The following NLRP3 variants were observed in gnomAD, a reference collection of about 807,000 sequenced individuals.
NLRP3 encodes the protein NLR family pyrin domain containing 3, also known as NACHT, LRR and PYD domains-containing protein 3.
In NLRP3, 48 loss-of-function variants were observed where a neutral mutation model predicts 91.3. That is an observed-to-expected ratio of 0.53 (90% CI 0.42 to 0.67). The LOEUF (loss-of-function observed/expected upper bound fraction) is 0.67, where lower values mean the gene tolerates loss of function less well. NLRP3 is among the 30% of genes least tolerant of loss of function. The probability of loss-of-function intolerance (pLI) is 0.00; values close to 1 mark genes in which losing one functional copy is unlikely to be tolerated. For synonymous variants in NLRP3, 561 were observed against 507.9 expected (o/e 1.10, Z -1.41); for missense variants, 982 against 1,276.9 (o/e 0.77, Z 3.52).
rs761426691 is a variant in NLRP3, at chr1:247,419,054, CA to C, written c.259del (p.Arg87GlufsTer18). 2 of 1,611,348 alleles carry C rather than the reference CA, an allele frequency of 1.2e-6. No individual in the cohort carries two copies. Among genetic ancestry groups the C allele is most frequent in the Non-Finnish European group, 1.7e-6 (2 of 1,179,824 alleles). ...AINRRDLYEK[A>X]KRDEPKWGSD... ...AACAGGAGAGACCTTTATGAGAAAG[CA>C]AAAAGAGATGAGCCGAAGTGGGGTG... On this transcript the variant is annotated frameshift_variant, in exon 2 of 10. Coordinates refer to ENST00000336119, the MANE Select transcript of NLRP3 (RefSeq NM_001243133.2). LOFTEE classifies it high-confidence loss of function.
At position 247,429,780 on chromosome 1, in the gene NLRP3, T is replaced by G. The variant is rs376635168; in HGVS notation, c.2321+25T>G. 137 of 1,612,462 alleles carry G rather than the reference T, an allele frequency of 8.5e-5. No homozygotes were observed. In the African/African-American group the frequency reaches 1.3e-3, roughly 16 times the overall value. On this transcript the variant is annotated intron_variant, in intron 5 of 9. Coordinates refer to ENST00000336119, the MANE Select transcript of NLRP3 (RefSeq NM_001243133.2). The stretch of plus-strand genomic sequence containing the variant: ...GGTGAGTCCCCGTGCATGTGATCTG[T>G]GTGAGTGCAAGTTCATATGAGAGAG...
At chr1:247,446,857 A>C (rs897476025) in intron 9 of NLRP3, among the ~76,000 whole-genome samples, 1 of 152,234 alleles carries the variant, frequency 6.6e-6, no homozygotes, top group Non-Finnish European at 1.5e-5. Flanking sequence ...GGTTTGAATA[A>C]ATACAAGTTT....
intron 8 of NLRP3, 86 bp downstream of exon 8, chr1:247,444,228 C>T (rs975767084): frequency 7.4e-7 from 1 of 1,354,728 alleles, no homozygotes; most frequent in Admixed American, 1.7e-5. Context: ...ACAAGATAAT[C>T]TGTATCTTAG....
intron 8 of NLRP3, 62 bp from the exon 9 acceptor site, chr1:247,444,589 A>G: frequency 6.3e-7 from 1 of 1,584,170 alleles, no homozygotes; most frequent in African/African-American, 1.3e-5. Flanking sequence ...AGATGCTAAA[A>G]TCTTGGGGAG....
At chr1:247,435,864 T>C in intron 6 of NLRP3, 106 bp from the exon 7 acceptor site, 1 of 1,045,574 alleles carries the variant, frequency 9.6e-7, no homozygotes, top group Non-Finnish European at 1.5e-6. Context: ...CCACTCCCTT[T>C]CCATGTGTAA....
At chr1:247,417,990 AAGAGCC>A (rs1310128109) in intron 1 of NLRP3, 57 bp from the exon 2 acceptor site, 1 of 152,234 alleles carries the variant, frequency 6.6e-6, no homozygotes, top group Non-Finnish European at 1.5e-5. Context: ...AACAGAAGCA[AAGAGCC>A]AGAGCCTTCA....
intron 3 of NLRP3, 140 bp downstream of exon 3, chr1:247,423,489 T>C: frequency 1.9e-6 from 2 of 1,063,732 alleles, no homozygotes; most frequent in Non-Finnish European, 2.9e-6. Context: ...GGAAATCCAT[T>C]GTCAGTTGAA....
At chr1:247,445,541 T>C (rs968309862) in intron 9 of NLRP3, among the ~76,000 whole-genome samples, 1 of 152,112 alleles carries the variant, frequency 6.6e-6, no homozygotes, top group African/African-American at 2.4e-5. Flanking sequence ...GCTCCAGGAA[T>C]AGCAAGATGG....
chr1:247,426,915 G>A (rs959610259), intron 4 of NLRP3, among the ~76,000 whole-genome samples: 3 of 152,200 alleles, frequency 2.0e-5, no homozygotes, highest in Non-Finnish European at 4.4e-5. Context: ...AGAGAGGGCA[G>A]GTGTGGGAAA....
intron 2 of NLRP3, among the ~76,000 whole-genome samples, chr1:247,422,364 G>T (rs1332930232): frequency 6.9e-5 from 9 of 130,698 alleles, no homozygotes; most frequent in Non-Finnish European, 1.4e-4. Context: ...GGGCAATAGA[G>T]TGAGGCCCTG....
rs747043119 is a variant in NLRP3, at chr1:247,429,767, T to G, written c.2321+12T>G. ...ATTCGGAGATTGTGGTGAGTCCCCG[T>G]GCATGTGATCTGTGTGAGTGCAAGT... On this transcript the variant is annotated intron_variant, in intron 5 of 9. Coordinates refer to ENST00000336119, the MANE Select transcript of NLRP3 (RefSeq NM_001243133.2). The G allele has an allele frequency of 2.5e-6, 4 of 1,613,158 alleles. No individual in the cohort carries two copies. The highest frequency in any genetic ancestry group is 3.4e-6 in the Non-Finnish European group (4 of 1,179,932).
At position 247,448,573 on chromosome 1, in the gene NLRP3, G is replaced by A. The variant is rs1359908768; in HGVS notation, c.*69G>A. ...CCAGCTGGGGGCCCTCAGGTGGAGA[G>A]AGCTGCGATCCATCCAGGCCAAGAC... On this transcript the variant is annotated 3_prime_UTR_variant, in exon 10 of 10. Transcript: ENST00000336119. 2.2e-6 allele frequency: 2 copies of A among 923,654 alleles called. No individual in the cohort carries two copies. The highest frequency in any genetic ancestry group is 4.8e-5 in the East Asian group (2 of 41,574). 57.2% of individuals were successfully genotyped at this position (923,654 alleles called of 1,614,324 possible). A position where few individuals can be genotyped will look rare whatever the true frequency, so the allele number is the denominator to read the frequency against.
intron 7 of NLRP3, among the ~76,000 whole-genome samples, chr1:247,441,198 C>A (rs57603567): frequency 9.7e-6 from 1 of 103,124 alleles, no homozygotes. Flanking sequence ...TCCCCTCCCC[C>A]CCCCCTTTCC....
rs1305478990 is a variant in NLRP3 at position 247,423,863 on chromosome 1, C to T, written c.414C>T (p.Tyr138=). The T allele has an allele frequency of 1.9e-6, 3 of 1,613,934 alleles. No homozygotes were observed. Among genetic ancestry groups the T allele is most frequent in the Non-Finnish European group, 2.5e-6 (3 of 1,179,986 alleles). Residue 138 remains tyrosine, a synonymous_variant, in exon 4 of 10, where the codon TAC becomes TAT. Transcript: ENST00000336119. ...TTGCCGTAGATTACCGTAAGAAGTA[C>T]AGAAAGTACGTGAGAAGCAGATTCC... ...CKMKKDYRKK[Y]RKYVRSRFQC...
Position 247,444,077 on chromosome 1 carries a change from A to T in NLRP3, c.2769A>T (p.Gly923=), listed in dbSNP as rs1490594037. ...THLYLRGNTL[G]DKGIKLLCEG... ...TTTACCTGCGAGGCAACACTCTCGGAGACAAGGGGATCAAACTACTCTGTG... is the reference window on the plus strand; with the variant it reads ...TTTACCTGCGAGGCAACACTCTCGGTGACAAGGGGATCAAACTACTCTGTG... Residue 923 remains glycine, a synonymous_variant, in exon 8 of 10, where the codon GGA becomes GGT. Coordinates refer to ENST00000336119, the MANE Select transcript of NLRP3 (RefSeq NM_001243133.2). The T allele has an allele frequency of 3.7e-6, 6 of 1,614,050 alleles. No homozygotes were observed. Among genetic ancestry groups the T allele is most frequent in the Non-Finnish European group, 5.1e-6 (6 of 1,180,046 alleles).
intron 7 of NLRP3, among the ~76,000 whole-genome samples, chr1:247,438,147 A>G (rs1350081240): frequency 6.6e-6 from 1 of 152,206 alleles, no homozygotes; most frequent in Non-Finnish European, 1.5e-5. Context: ...TCTGAGACTG[A>G]GGCATCAGCA....
At chr1:247,442,009 C>T (rs1664273638) in intron 7 of NLRP3, among the ~76,000 whole-genome samples, 1 of 152,220 alleles carries the variant, frequency 6.6e-6, no homozygotes, top group Non-Finnish European at 1.5e-5. Context: ...TGGCCTTTGC[C>T]AGGAATGCTA....
rs145268073 is a variant in NLRP3, at chr1:247,424,912, G to A, written c.1463G>A (p.Arg488Lys). ...ATCCTGTTTGAGGAGTCCGACCTCA[G>A]GAATCATGGACTGCAGAAGGCGGAT... ...QKILFEESDL[R>K]NHGLQKADVS... The change falls in exon 4 of 10, where the codon AGG (arginine) becomes AAG (lysine). Residue 488 changes from arginine (R) to lysine (K), a missense_variant. Physicochemically the swap from Arg to Lys is conservative, Grantham distance 26. Coordinates refer to ENST00000336119, the MANE Select transcript of NLRP3 (RefSeq NM_001243133.2). This position sits in a 1 kb window ranked among gnomAD's most constrained non-coding sequence, Gnocchi z 8.1. The A allele has an allele frequency of 9.8e-4, 1,588 of 1,612,508 alleles. No individual in the cohort carries two copies. Among genetic ancestry groups the A allele is most frequent in the Non-Finnish European group, 1.3e-3 (1,501 of 1,180,036 alleles).
Position 247,441,087 on chromosome 1 carries a change from TC to T in NLRP3, c.2664-2883del, listed in dbSNP as rs869055948. Among the ~76,000 whole-genome samples, 189 of 149,926 alleles carry T rather than the reference TC, an allele frequency of 1.3e-3. 1 individual carries two copies. Among genetic ancestry groups the T allele is most frequent in the African/African-American group, 2.5e-3 (104 of 40,856 alleles). On this transcript the variant is annotated intron_variant, in intron 7 of 9. Transcript: ENST00000336119. ...TCTTCAGATTCCTTCCTTCCTTCCT[TC>T]CTTCTTCCTCCTCCTCCTTTCTTTC...
Sources: allele counts gnomAD v4.1 joint callset (sites outside exome capture counted in the v4.1 genomes callset), GRCh38; gene constraint gnomAD v4.1.1; non-coding constraint Gnocchi (gnomAD v3.1); transcripts MANE v1.5; gene names NCBI Gene and HGNC (gene_info 2026-07-23, HGNC 2026-07-21).